RORC: variants seen among roughly 807,000 people sequenced by gnomAD.
The protein encoded by RORC is RAR related orphan receptor C.
A neutral mutation model predicts 64.5 loss-of-function variants in RORC; 13 were observed. The observed-to-expected ratio is 0.20, with a 90% confidence interval of 0.13 to 0.32. The LOEUF (loss-of-function observed/expected upper bound fraction) is 0.32, where lower values mean the gene tolerates loss of function less well. Among genes scored for constraint, RORC ranks in the 10% least tolerant of loss-of-function variants. The probability of loss-of-function intolerance (pLI) is 1.00; values close to 1 mark genes in which losing one functional copy is unlikely to be tolerated. For synonymous variants in RORC, 277 were observed against 259.3 expected (o/e 1.07, Z -0.65); for missense variants, 468 against 669.5 (o/e 0.70, Z 3.32).
At chr1:151,828,607 C>T (rs1652284778) in intron 2 of RORC, among the ~76,000 whole-genome samples, 1 of 152,228 alleles carries the variant, frequency 6.6e-6, no homozygotes, top group African/African-American at 2.4e-5. Context: ...TCTAGTCCTG[C>T]ACAGGCTGGC....
intron 2 of RORC, chr1:151,825,985 G>A (rs1397262146): frequency 1.2e-6 from 2 of 1,610,690 alleles, no homozygotes; most frequent in South Asian, 1.1e-5. Flanking sequence ...TTCTCAGCAG[G>A]GGGTGGTCCA....
chr1:151,807,741 T>C lies in RORC; in HGVS notation c.1396-108A>G. ...AGGACAAACCCTCCTTGCCTTCCCC[T>C]TATGTACTTGGCACTTTGGCACCAG... On this transcript the variant is annotated intron_variant, in intron 10 of 10. Coordinates refer to ENST00000318247, the MANE Select transcript of RORC (RefSeq NM_005060.4). The surrounding 1 kb of genome is among the most constrained non-coding windows in gnomAD (Gnocchi z 5.0). 1 of 1,234,932 alleles carries C rather than the reference T, an allele frequency of 8.1e-7. No homozygotes were observed. The allele number at this position is 1,234,932 out of a possible 1,614,324, so 76.5% of individuals were successfully genotyped here. A position where few individuals can be genotyped will look rare whatever the true frequency, so the allele number is the denominator to read the frequency against.
chr1:151,823,543 T>C (rs1461209542), intron 2 of RORC, among the ~76,000 whole-genome samples: 2 of 152,220 alleles, frequency 1.3e-5, no homozygotes, highest in Non-Finnish European at 2.9e-5. Flanking sequence ...CTGTCTTCCC[T>C]TTACTGCCAG....
chr1:151,820,837 T>C (rs1651968283), intron 2 of RORC, among the ~76,000 whole-genome samples: 1 of 152,190 alleles, frequency 6.6e-6, no homozygotes, highest in African/African-American at 2.4e-5. Flanking sequence ...GTCTTCAGCT[T>C]ATACTTTGAG....
At chr1:151,811,198 G>C (rs987080097) in intron 10 of RORC, 127 bp downstream of exon 10, 2 of 537,650 alleles carry the variant, frequency 3.7e-6, no homozygotes, top group African/African-American at 3.7e-5. Context: ...GCTGATGCAA[G>C]CTCTCTAACA....
At chr1:151,809,693 C>A (rs910974569) in intron 10 of RORC, among the ~76,000 whole-genome samples, 1 of 152,206 alleles carries the variant, frequency 6.6e-6, no homozygotes, top group African/African-American at 2.4e-5. Flanking sequence ...GTCTCTCCTC[C>A]TTCAAATCCA....
In RORC at chr1:151,815,175, C is replaced by T; in HGVS notation, c.549G>A (p.Gly183=). ...TGGCCAAGTTGTTGGAATATGAGGG[C>T]CCAGAGCCTGAGGCTTTCAGGAGGC... The part of the protein sequence containing the change: ...PPGLLKASGS[G]PSYSNNLAKA... Residue 183 remains glycine, a synonymous_variant, in exon 5 of 11, where the codon GGG becomes GGA. Coordinates refer to ENST00000318247, the MANE Select transcript of RORC (RefSeq NM_005060.4). 6.2e-7 allele frequency: 1 copy of T among 1,613,972 alleles called. No individual in the cohort carries two copies. The highest frequency in any genetic ancestry group is 8.5e-7 in the Non-Finnish European group (1 of 1,179,952).
At chr1:151,823,375 G>T (rs1425528737) in intron 2 of RORC, among the ~76,000 whole-genome samples, 1 of 152,224 alleles carries the variant, frequency 6.6e-6, no homozygotes, top group African/African-American at 2.4e-5. Flanking sequence ...AGGGGAAGAT[G>T]TCTGGGCTAC....
At chr1:151,811,604 G>C in intron 9 of RORC, 170 bp from the exon 10 acceptor site, 1 of 475,766 alleles carries the variant, frequency 2.1e-6, no homozygotes. Flanking sequence ...GTTGGGCTTG[G>C]CTAGCTGTCT....
chr1:151,829,488 A>G (rs1652325796), intron 1 of RORC, 30 bp from the exon 2 acceptor site: 3 of 1,510,146 alleles, frequency 2.0e-6, no homozygotes, highest in Non-Finnish European at 2.6e-6. Context: ...GGTTGACGTC[A>G]AAGGTTGAAG....
At chr1:151,826,886 G>A (rs1652215137) in intron 2 of RORC, among the ~76,000 whole-genome samples, 1 of 152,238 alleles carries the variant, frequency 6.6e-6, no homozygotes, top group African/African-American at 2.4e-5. Flanking sequence ...GGGAGCCCAA[G>A]GTGGGTGGAT....
At chr1:151,831,178 G>C (rs1345009308) in intron 1 of RORC, 1 of 1,212,504 alleles carries the variant, frequency 8.2e-7, no homozygotes, top group Non-Finnish European at 1.1e-6. Flanking sequence ...GCGAGGAAAG[G>C]ACCAGGCTAC....
chr1:151,826,151 C>A (rs1472785662), intron 2 of RORC: 2 of 1,222,664 alleles, frequency 1.6e-6, no homozygotes, highest in African/African-American at 3.1e-5. Flanking sequence ...CCCCACCCCA[C>A]CCCCAAGGGG....
In RORC at chr1:151,813,324, A is replaced by G. The variant is rs199641073; in HGVS notation, c.1089T>C (p.Val363=). ...CAGCATTGTAGGCCCGGCACATCCT[A>G]ACCAGCACCACTTCCATTGCTCCTG... ...LKAGAMEVVL[V]RMCRAYNADN... is the part of the protein sequence containing the mutation. The change falls in exon 8 of 11, where the codon GTT becomes GTC. Residue 363 remains valine, a synonymous_variant. Coordinates refer to ENST00000318247, the MANE Select transcript of RORC (RefSeq NM_005060.4). 1.2e-4 allele frequency: 197 copies of G among 1,614,114 alleles called. No individual in the cohort carries two copies. The South Asian group carries it at 2.1e-3, about 17-fold the overall frequency.
rs1254512293 is a variant in RORC, at chr1:151,830,004, C to T, written c.41-546G>A. Among the ~76,000 whole-genome samples, 1 of 152,144 alleles carries T rather than the reference C, an allele frequency of 6.6e-6. No homozygotes were observed. ...ACTTTGTAATTTCATTGGAGGTGCACAAGAAATATCCTACAGCCAGAGTTA... is the reference window on the plus strand; with the variant it reads ...ACTTTGTAATTTCATTGGAGGTGCATAAGAAATATCCTACAGCCAGAGTTA... On this transcript the variant is annotated intron_variant, in intron 1 of 10. Coordinates refer to ENST00000318247, the MANE Select transcript of RORC (RefSeq NM_005060.4). This position sits in a 1 kb window ranked among gnomAD's most constrained non-coding sequence, Gnocchi z 4.0.
intron 2 of RORC, among the ~76,000 whole-genome samples, chr1:151,820,526 CT>C (rs1651948031): frequency 6.6e-6 from 1 of 152,194 alleles, no homozygotes; most frequent in Admixed American, 6.5e-5. Flanking sequence ...CCCTGCACCA[CT>C]GCTCCCATGG....
At chr1:151,823,777 A>G (rs1652084454) in intron 2 of RORC, among the ~76,000 whole-genome samples, 1 of 151,980 alleles carries the variant, frequency 6.6e-6, no homozygotes, top group African/African-American at 2.4e-5. Flanking sequence ...AGTAGCTGGG[A>G]CTACAGGTAC....
intron 9 of RORC, 153 bp downstream of exon 9, chr1:151,812,794 T>G: frequency 1.7e-6 from 1 of 571,806 alleles, no homozygotes. Context: ...TTATTTTAAC[T>G]CATTTTATTT....
chr1:151,807,768 C>T lies in RORC; in HGVS notation c.1396-135G>A. The stretch of plus-strand genomic sequence containing the variant: ...ATGTACTTGGCACTTTGGCACCAGC[C>T]AAATCCCACTGGTAGAAGTACGTGT... On this transcript the variant is annotated intron_variant, in intron 10 of 10. Transcript: ENST00000318247. This position sits in a 1 kb window ranked among gnomAD's most constrained non-coding sequence, Gnocchi z 5.0. 1.2e-6 allele frequency: 1 copy of T among 844,586 alleles called. No individual in the cohort carries two copies. The highest frequency in any genetic ancestry group is 2.6e-5 in the East Asian group (1 of 38,810). The allele number at this position is 844,586 out of a possible 1,614,324, so 52.3% of individuals were successfully genotyped here.
Sources: gnomAD v4.1 joint callset for allele counts (sites outside exome capture counted in the v4.1 genomes callset) on GRCh38, gnomAD v4.1.1 for gene constraint, Gnocchi (gnomAD v3.1) non-coding constraint, MANE v1.5 for transcripts, NCBI Gene and HGNC (gene_info 2026-07-23, HGNC 2026-07-21) for gene names.